Variants in SMAP2 observed in about 807,000 individuals in gnomAD.
The protein encoded by SMAP2 is stromal membrane-associated protein 2.
SMAP2 carries 25 observed loss-of-function variants against 56.4 expected under a neutral mutation model. The ratio of observed to expected loss-of-function variants is 0.44; its 90% CI spans 0.32 to 0.62. The LOEUF (loss-of-function observed/expected upper bound fraction) is 0.62, where lower values mean the gene tolerates loss of function less well. Among genes scored for constraint, SMAP2 ranks in the 20% least tolerant of loss-of-function variants. The pLI, the probability that SMAP2 is intolerant of heterozygous loss-of-function variation, is 0.04. For synonymous variants in SMAP2, 157 were observed against 181.7 expected (o/e 0.86, Z 1.09); for missense variants, 388 against 545.6 (o/e 0.71, Z 2.88).
At chr1:40,345,888 GTATTATATTA>G (rs56769230) in intron 1 of SMAP2, among the ~76,000 whole-genome samples, 111 of 120,116 alleles carry the variant, frequency 9.2e-4, no homozygotes, top group Admixed American at 3.2e-3. Context: ...ATATTGTATT[GTATTATATTA>G]TATTATATTA....
chr1:40,382,615 C>T (rs1471542648), intron 1 of SMAP2, among the ~76,000 whole-genome samples: 2 of 152,204 alleles, frequency 1.3e-5, no homozygotes, highest in Non-Finnish European at 2.9e-5. Flanking sequence ...GTTCATACCA[C>T]ATTGAAAAGG....
Position 40,374,590 on chromosome 1 carries a change from TGCGTGC to T in SMAP2, c.103+369_103+374del, listed in dbSNP as rs1644523098. ...GGATGAACTGCATTGCGTGCGTGCG[TGCGTGC>T]GTGTGTGTGTGTGTGTGTGTGTGTG... On this transcript the variant is annotated intron_variant, in intron 1 of 9. Coordinates refer to ENST00000372718, the MANE Select transcript of SMAP2 (RefSeq NM_022733.3). This position sits in a 1 kb window ranked among gnomAD's most constrained non-coding sequence, Gnocchi z 5.9. 5.3e-6 allele frequency: 7 copies of T among 1,312,408 alleles called. No homozygotes were observed. The highest frequency in any genetic ancestry group is 3.8e-5 in the African/African-American group (2 of 52,292). 81.3% of individuals were successfully genotyped at this position (1,312,408 alleles called of 1,614,324 possible). A position where few individuals can be genotyped will look rare whatever the true frequency, so the allele number is the denominator to read the frequency against.
chr1:40,348,460 C>G (rs1033593312), intron 1 of SMAP2, among the ~76,000 whole-genome samples: 4 of 152,036 alleles, frequency 2.6e-5, no homozygotes, highest in Non-Finnish European at 1.5e-5. Flanking sequence ...TTTGGGAGGC[C>G]GAGGTGGGTG....
intron 1 of SMAP2, among the ~76,000 whole-genome samples, chr1:40,351,858 G>A (rs796631120): frequency 2.6e-5 from 4 of 151,676 alleles, no homozygotes; most frequent in South Asian, 2.1e-4. Flanking sequence ...GGCTGGTCTC[G>A]AACTCTTGGC....
intron 1 of SMAP2, among the ~76,000 whole-genome samples, chr1:40,393,027 G>C (rs1308559433): frequency 6.6e-6 from 1 of 151,676 alleles, no homozygotes; most frequent in East Asian, 1.9e-4. Flanking sequence ...GCTTGAACCC[G>C]GGAGGCGGAG....
intron 1 of SMAP2, among the ~76,000 whole-genome samples, chr1:40,358,073 G>A (rs774013205): frequency 4.0e-5 from 6 of 151,642 alleles, no homozygotes; most frequent in Non-Finnish European, 5.9e-5. Context: ...CATGGAATAC[G>A]TTTCCATTTT....
intron 1 of SMAP2, among the ~76,000 whole-genome samples, chr1:40,377,280 A>G (rs1287812477): frequency 1.3e-5 from 2 of 152,224 alleles, no homozygotes; most frequent in Non-Finnish European, 2.9e-5. Flanking sequence ...TGGGTCAGAG[A>G]GCAAGACCCT....
At chr1:40,395,496 A>G (rs1215469946) in intron 1 of SMAP2, among the ~76,000 whole-genome samples, 4 of 152,188 alleles carry the variant, frequency 2.6e-5, no homozygotes, top group Non-Finnish European at 4.4e-5. Flanking sequence ...AGCCTGGGCA[A>G]CATAGCAAGA....
At chr1:40,421,847 G>T in intron 9 of SMAP2, 129 bp from the exon 10 acceptor site, 1 of 1,055,904 alleles carries the variant, frequency 9.5e-7, no homozygotes. Context: ...AGGGTTTACT[G>T]TCCATAACAG....
At chr1:40,363,860 C>T (rs1299992232) in intron 2 of SMAP2, among the ~76,000 whole-genome samples, 1 of 152,216 alleles carries the variant, frequency 6.6e-6, no homozygotes, top group East Asian at 1.9e-4. Flanking sequence ...TGGAAAGCAA[C>T]CCTGGGCAGA....
intron 1 of SMAP2, among the ~76,000 whole-genome samples, chr1:40,391,425 C>T (rs762082994): frequency 1.3e-5 from 2 of 152,160 alleles, no homozygotes; most frequent in Non-Finnish European, 2.9e-5. Context: ...GCGCAGCAGT[C>T]CCTACACGCC....
chr1:40,363,167 C>A (rs1644466460), intron 2 of SMAP2, among the ~76,000 whole-genome samples: 1 of 151,998 alleles, frequency 6.6e-6, no homozygotes, highest in African/African-American at 2.4e-5. Context: ...AAATATTGAG[C>A]ATTAATTTAA....
chr1:40,362,021 A>T (rs1644462505), intron 1 of SMAP2, among the ~76,000 whole-genome samples: 2 of 152,318 alleles, frequency 1.3e-5, no homozygotes, highest in South Asian at 4.1e-4. Context: ...CAAGGGCATG[A>T]TGTATCTTGG....
Position 40,356,415 on chromosome 1 carries a change from GT to G in SMAP2, c.-82-5872del, listed in dbSNP as rs1205631860. Among the ~76,000 whole-genome samples, 646 of 134,134 alleles carry G rather than the reference GT, an allele frequency of 4.8e-3. 7 individuals carry two copies. Among genetic ancestry groups the G allele is most frequent in the African/African-American group, 0.015 (571 of 37,260 alleles). The allele number at this position is 134,134 out of a possible 152,430, so 88.0% of individuals were successfully genotyped here. On this transcript the variant is annotated intron_variant, in intron 1 of 6. Transcript: ENST00000435168. ...TTTTGTGGGTTTTTTGTTTTTTTTT[GT>G]TTTTTTTTTTTTGAGACCAAGTCTC... is the stretch of plus-strand genomic sequence containing the variant.
rs751502559 is a variant in SMAP2 at position 40,409,813 on chromosome 1, G to A, written c.380G>A (p.Ser127Asn). ...KYEKKKYMDRSLDINAFRKEK... is the reference protein window; with the variant it reads ...KYEKKKYMDRNLDINAFRKEK... ...GAGAAGAAGAAATACATGGACCGAA[G>A]TCTGGACATCAATGCCTTTAGGGTT... The change falls in exon 4 of 10, where the codon AGT becomes AAT. Residue 127 changes from serine to asparagine, a missense_variant. Ser to Asn is a conservative substitution (Grantham distance 46, BLOSUM62 1). Transcript: ENST00000372718. 6.2e-7 allele frequency: 1 copy of A among 1,612,434 alleles called. No individual in the cohort carries two copies.
intron 9 of SMAP2, among the ~76,000 whole-genome samples, chr1:40,419,241 C>G (rs992987196): frequency 6.6e-6 from 1 of 150,616 alleles, no homozygotes; most frequent in Non-Finnish European, 1.5e-5. Context: ...AGAACAAACA[C>G]GTGAAATGTT....
chr1:40,360,863 C>T (rs1644456971), intron 1 of SMAP2, among the ~76,000 whole-genome samples: 1 of 152,216 alleles, frequency 6.6e-6, no homozygotes. Flanking sequence ...ACATTAGTCT[C>T]ACCACCCCAG....
At chr1:40,346,084 T>C (rs1644385078) in intron 1 of SMAP2, among the ~76,000 whole-genome samples, 1 of 142,582 alleles carries the variant, frequency 7.0e-6, no homozygotes, top group African/African-American at 2.5e-5. Context: ...AGTGCTGAAA[T>C]TGCAGATGTG....
chr1:40,356,411 T>G lies in SMAP2; in HGVS notation c.-82-5889T>G, dbSNP rs1301162658. Among the ~76,000 whole-genome samples the G allele has an allele frequency of 1.7e-3, 258 of 149,106 alleles. 2 individuals are homozygous for G. Among genetic ancestry groups the G allele is most frequent in the East Asian group, 3.5e-3 (18 of 5,120 alleles). Reference sequence around the variant, plus strand: ...AGTTTTTTGTGGGTTTTTTGTTTTTTTTTGTTTTTTTTTTTTTGAGACCAA... The same window carrying G: ...AGTTTTTTGTGGGTTTTTTGTTTTTGTTTGTTTTTTTTTTTTTGAGACCAA... On this transcript the variant is annotated intron_variant, in intron 1 of 6. Transcript: ENST00000435168.
Sources: allele counts gnomAD v4.1 joint callset (sites outside exome capture counted in the v4.1 genomes callset), GRCh38; gene constraint gnomAD v4.1.1; non-coding constraint Gnocchi (gnomAD v3.1); transcripts MANE v1.5; gene names NCBI Gene and HGNC (gene_info 2026-07-23, HGNC 2026-07-21).